Variants in MTIF2 observed in about 807,000 individuals in gnomAD.
The protein encoded by MTIF2 is mitochondrial translational initiation factor 2.
MTIF2 carries 71 observed loss-of-function variants against 83.5 expected under a neutral mutation model. That is an observed-to-expected ratio of 0.85 (90% CI 0.70 to 1.04). The LOEUF (loss-of-function observed/expected upper bound fraction) is 1.04. MTIF2 is among the 50% of genes least tolerant of loss of function. The probability of loss-of-function intolerance (pLI) is 0.00; values close to 1 mark genes in which losing one functional copy is unlikely to be tolerated. For synonymous variants in MTIF2, 319 were observed against 287.1 expected, an observed-to-expected ratio of 1.11 and a Z score of -1.12; for missense variants, 957 against 846.5, an observed-to-expected ratio of 1.13 and a Z score of -1.62.
Position 55,240,071 on chromosome 2 carries a change from C to G in MTIF2, c.1810G>C (p.Glu604Gln). The G allele has an allele frequency of 1.2e-6, 2 of 1,613,668 alleles. No homozygotes were observed. Among genetic ancestry groups the G allele is most frequent in the East Asian group, 2.2e-5 (1 of 44,872 alleles). The change falls in exon 14 of 16, where the codon GAA becomes CAA. Residue 604 changes from glutamate to glutamine, a missense_variant. By Grantham distance (29) the Glu-to-Gln change is conservative. Transcript: ENST00000263629. ...KLHKIIYRLVEDLQEELSSRL... is the reference protein window; with the variant it reads ...KLHKIIYRLVQDLQEELSSRL... ...CTGCTCAGTTCCTCTTGCAAATCTT[C>G]AACAAGACGGTAAATTATTTTGTGA...
intron 4 of MTIF2, 104 bp from the exon 5 acceptor site, chr2:55,262,531 CTTTTTTTTTCTT>C: frequency 3.0e-6 from 1 of 327,972 alleles, no homozygotes; most frequent in Admixed American, 6.7e-5. Flanking sequence ...ACATTTCTTT[CTTTTTTTTTCTT>C]TTTTTTTTTT....
At chr2:55,262,852 CTGAG>C (rs1678137699) in intron 4 of MTIF2, among the ~76,000 whole-genome samples, 4 of 152,206 alleles carry the variant, frequency 2.6e-5, no homozygotes, top group African/African-American at 7.2e-5. Flanking sequence ...CCTCAGCCTC[CTGAG>C]TAGCTGGGAC....
intron 12 of MTIF2, 132 bp from the exon 13 acceptor site, chr2:55,243,212 GCATTACACATATCTACT>G (rs1017869712): frequency 9.3e-7 from 1 of 1,072,010 alleles, no homozygotes; most frequent in African/African-American, 1.6e-5. Context: ...TTTAGGCTTA[GCATTACACATATCTACT>G]TGACTTAATA....
At chr2:55,252,336 G>A in intron 8 of MTIF2, 141 bp downstream of exon 8, 1 of 724,862 alleles carries the variant, frequency 1.4e-6, no homozygotes, top group Non-Finnish European at 2.2e-6. Flanking sequence ...AAGTCTGTGG[G>A]AAAACAATTT....
In MTIF2 at chr2:55,254,767, G is replaced by A. The variant is rs149948402; in HGVS notation, c.390C>T (p.Asp130=). The A allele has an allele frequency of 6.8e-6, 11 of 1,609,820 alleles. No homozygotes were observed. Among genetic ancestry groups the A allele is most frequent in the Non-Finnish European group, 9.3e-6 (11 of 1,178,160 alleles). Residue 130 remains aspartate (D), a synonymous_variant, in exon 6 of 16, where the codon GAC becomes GAT. Coordinates refer to ENST00000263629, the MANE Select transcript of MTIF2 (RefSeq NM_002453.3). Reference sequence around the variant, plus strand: ...TGATCCAGACTTCATCTAAATGTGAGTCTGCTTCCAGTGAATCTATGTCAA... The same window carrying A: ...TGATCCAGACTTCATCTAAATGTGAATCTGCTTCCAGTGAATCTATGTCAA... The part of the protein sequence containing the change: ...TDIDIDSLEA[D]SHLDEVWIKE...
At chr2:55,259,789 C>T (rs1677819456) in intron 5 of MTIF2, among the ~76,000 whole-genome samples, 1 of 152,032 alleles carries the variant, frequency 6.6e-6, no homozygotes, top group Non-Finnish European at 1.5e-5. Context: ...ACTAAAAATA[C>T]AAATATTAGC....
chr2:55,263,867 T>TG lies in MTIF2; in HGVS notation c.-7-3dup, dbSNP rs753630349. 20 of 1,582,374 alleles carry TG rather than the reference T, an allele frequency of 1.3e-5. No homozygotes were observed. The highest frequency in any genetic ancestry group is 4.6e-5 in the South Asian group (4 of 86,388). ...AGTAGCTTCTGGTTCATGTTTCTCC[T>TG]GGGGAAAAAAAAAAGGTTTTAAAAT... On this transcript the variant is annotated splice_region_variant and splice_polypyrimidine_tract_variant and intron_variant, in intron 3 of 15. Transcript: ENST00000263629.
intron 5 of MTIF2, among the ~76,000 whole-genome samples, chr2:55,258,720 G>A (rs1677730660): frequency 6.6e-6 from 1 of 150,728 alleles, no homozygotes; most frequent in Admixed American, 6.7e-5. Context: ...GCTGAGGCAG[G>A]AGAATTGCTT....
rs368542489 is a variant in MTIF2, at chr2:55,258,811, CAA to C, written c.331+3503_331+3504del. Among the ~76,000 whole-genome samples, 417 of 67,236 alleles carry C rather than the reference CAA, an allele frequency of 6.2e-3. 2 individuals carry two copies. The highest frequency in any genetic ancestry group is 0.034 in the Middle Eastern group (4 of 116). 44.1% of individuals were successfully genotyped at this position (67,236 alleles called of 152,430 possible). On this transcript the variant is annotated intron_variant, in intron 5 of 15. Coordinates refer to ENST00000263629, the MANE Select transcript of MTIF2 (RefSeq NM_002453.3). Reference sequence around the variant, plus strand: ...TAGGTGACAGAGCAAGCCTCTGTCTCAAAAAAAAAAAAAAAAAAAAAATTAGC... The same window carrying C: ...TAGGTGACAGAGCAAGCCTCTGTCTCAAAAAAAAAAAAAAAAAAAATTAGC...
chr2:55,264,889 A>G (rs1014694743), intron 3 of MTIF2, among the ~76,000 whole-genome samples: 13 of 152,042 alleles, frequency 8.6e-5, no homozygotes, highest in Admixed American at 6.6e-5. Flanking sequence ...TCAAGACTGC[A>G]TTTCTATGGC....
intron 14 of MTIF2, 87 bp from the exon 15 acceptor site, chr2:55,237,515 A>G (rs1296209300): frequency 3.2e-5 from 42 of 1,298,596 alleles, no homozygotes; most frequent in Non-Finnish European, 4.0e-5. Context: ...ATAAGAATTA[A>G]AGGTATGACA....
intron 5 of MTIF2, among the ~76,000 whole-genome samples, chr2:55,257,518 C>G (rs1177302593): frequency 6.6e-6 from 1 of 152,086 alleles, no homozygotes; most frequent in Non-Finnish European, 1.5e-5. Flanking sequence ...CTCAGATAAG[C>G]AGAACATTAA....
chr2:55,247,893 T>C (rs1186438653), intron 9 of MTIF2, among the ~76,000 whole-genome samples: 1 of 152,074 alleles, frequency 6.6e-6, no homozygotes, highest in African/African-American at 2.4e-5. Flanking sequence ...TCTTCAAATA[T>C]TTTAATTTTT....
Position 55,267,209 on chromosome 2 carries a change from T to C in MTIF2, c.-8+360A>G, listed in dbSNP as rs565992980. Reference sequence around the variant, plus strand: ...GTTTTGCTCATCGCTCAGGCTGGAGTGCAATGGCGTGATCTTGGCTCACTA... The same window carrying C: ...GTTTTGCTCATCGCTCAGGCTGGAGCGCAATGGCGTGATCTTGGCTCACTA... On this transcript the variant is annotated intron_variant, in intron 3 of 15. Coordinates refer to ENST00000263629, the MANE Select transcript of MTIF2 (RefSeq NM_002453.3). Among the ~76,000 whole-genome samples, 3 of 152,066 alleles carry C rather than the reference T, an allele frequency of 2.0e-5. No homozygotes were observed. In the East Asian group the frequency reaches 5.8e-4, roughly 29 times the overall value.
At chr2:55,256,595 C>T (rs2104421177) in intron 5 of MTIF2, among the ~76,000 whole-genome samples, 1 of 151,104 alleles carries the variant, frequency 6.6e-6, no homozygotes, top group Non-Finnish European at 1.5e-5. Context: ...GTCCCAGCTA[C>T]TCGGGAGGCT....
intron 5 of MTIF2, among the ~76,000 whole-genome samples, chr2:55,257,875 A>G (rs1677666590): frequency 6.6e-6 from 1 of 152,176 alleles, no homozygotes; most frequent in Non-Finnish European, 1.5e-5. Flanking sequence ...AGCTCACTGC[A>G]ACCTCTGCCT....
In MTIF2 at chr2:55,254,648, T is replaced by A; in HGVS notation, c.503+6A>T. The A allele has an allele frequency of 6.3e-7, 1 of 1,593,100 alleles. No individual in the cohort carries two copies. The highest frequency in any genetic ancestry group is 1.3e-5 in the African/African-American group (1 of 74,164). On this transcript the variant is annotated splice_donor_region_variant and intron_variant, in intron 6 of 15. Transcript: ENST00000263629. ...AACCCTGCCAGTATATACAGTTAAG[T>A]TTTACCTTCTTACAGCATCTTTATT...
In MTIF2 at chr2:55,265,821, G is replaced by A. The variant is rs186052608; in HGVS notation, c.-8+1748C>T. On this transcript the variant is annotated intron_variant, in intron 3 of 15. Coordinates refer to ENST00000263629, the MANE Select transcript of MTIF2 (RefSeq NM_002453.3). ...TTGTATCCATGTGTTCCACATTTGT[G>A]GATTCAAACAATTGTGGATCGAAAA... Among the ~76,000 whole-genome samples the A allele has an allele frequency of 1.3e-3, 193 of 152,104 alleles. 3 individuals carry two copies. The East Asian group carries it at 0.027, about 21-fold the overall frequency.
Position 55,263,843 on chromosome 2 carries a change from G to C in MTIF2, c.16C>G (p.Leu6Val). ...AATCGTAGCAAGTTCTCCAACTTCA[G>C]TAGCTTCTGGTTCATGTTTCTCCTG... is the stretch of plus-strand genomic sequence containing the variant. MNQKLLKLENLLRFHT... is the reference protein window; with the variant it reads MNQKLVKLENLLRFHT... Residue 6 changes from leucine to valine, a missense_variant, in exon 4 of 16, where the codon CTG becomes GTG. By Grantham distance (32) the Leu-to-Val change is conservative (BLOSUM62 1). Around this residue, in one of 3 missense-constraint regions of MTIF2, gnomAD observed 733 missense variants for 648.7 expected, o/e 1.13. Coordinates refer to ENST00000263629, the MANE Select transcript of MTIF2 (RefSeq NM_002453.3). The C allele has an allele frequency of 6.2e-7, 1 of 1,612,664 alleles. No homozygotes were observed. The highest frequency in any genetic ancestry group is 8.5e-7 in the Non-Finnish European group (1 of 1,179,436).
Sources: gnomAD v4.1 joint callset for allele counts (sites outside exome capture counted in the v4.1 genomes callset) on GRCh38, gnomAD v4.1.1 for gene constraint, gnomAD v4.1.1 regional missense constraint, MANE v1.5 for transcripts, NCBI Gene and HGNC (gene_info 2026-07-23, HGNC 2026-07-21) for gene names.